Variants in MAP4K4 observed in about 807,000 individuals in gnomAD.
MAP4K4 encodes the protein mitogen-activated protein kinase kinase kinase kinase 4.
In MAP4K4, 38 loss-of-function variants were observed where a neutral mutation model predicts 189.6. The observed-to-expected ratio is 0.20, with a 90% CI of 0.15 to 0.26. The LOEUF (loss-of-function observed/expected upper bound fraction) is 0.26, where lower values mean the gene tolerates loss of function less well. MAP4K4 is among the 10% of genes least tolerant of loss of function. The probability of loss-of-function intolerance (pLI) is 1.00; values close to 1 mark genes in which losing one functional copy is unlikely to be tolerated. For missense variants in MAP4K4, 1,054 were observed against 1,726.9 expected (o/e 0.61, Z 6.91); for synonymous variants, 610 against 624.3 (o/e 0.98, Z 0.34).
intron 2 of MAP4K4, among the ~76,000 whole-genome samples, chr2:101,701,651 G>A (rs920481090): frequency 6.6e-6 from 1 of 152,120 alleles, no homozygotes; most frequent in Non-Finnish European, 1.5e-5. Context: ...GGTGAAAAAC[G>A]GGGTGTATTC....
At chr2:101,765,556 C>G (rs1235551501) in intron 2 of MAP4K4, among the ~76,000 whole-genome samples, 1 of 152,106 alleles carries the variant, frequency 6.6e-6, no homozygotes, top group Admixed American at 6.6e-5. Context: ...AACTCCTGAG[C>G]TCAAGCAGTC....
intron 2 of MAP4K4, among the ~76,000 whole-genome samples, chr2:101,753,153 G>C (rs546539894): frequency 1.4e-4 from 21 of 152,262 alleles, no homozygotes; most frequent in African/African-American, 5.1e-4. Context: ...TTTAGATGAT[G>C]AAACTGAAGC....
chr2:101,747,279 C>T (rs925311512), intron 2 of MAP4K4, among the ~76,000 whole-genome samples: 8 of 151,928 alleles, frequency 5.3e-5, no homozygotes, highest in African/African-American at 7.3e-5. Context: ...ATACCAGGCC[C>T]GGCTAATTTT....
intron 10 of MAP4K4, among the ~76,000 whole-genome samples, chr2:101,842,052 T>C (rs2096934808): frequency 6.6e-6 from 1 of 152,202 alleles, no homozygotes; most frequent in Non-Finnish European, 1.5e-5. Flanking sequence ...ATGGTTTAAT[T>C]AGTTTTCCCT....
chr2:101,863,642 G>T (rs576449588), intron 16 of MAP4K4, among the ~76,000 whole-genome samples, 179 bp from the exon 17 acceptor site: 1 of 152,170 alleles, frequency 6.6e-6, no homozygotes, highest in Non-Finnish European at 1.5e-5. Context: ...TACATACTGT[G>T]TTCCCAGACC....
chr2:101,708,404 C>G (rs950466215), intron 2 of MAP4K4, among the ~76,000 whole-genome samples: 1 of 152,060 alleles, frequency 6.6e-6, no homozygotes, highest in Non-Finnish European at 1.5e-5. Context: ...CAGTGCGTAA[C>G]CTCTGTGACC....
intron 2 of MAP4K4, among the ~76,000 whole-genome samples, chr2:101,703,893 C>T (rs1573792976): frequency 6.6e-6 from 1 of 152,058 alleles, no homozygotes; most frequent in Admixed American, 6.5e-5. Flanking sequence ...TGCCTCTAGT[C>T]CCAGCTACCC....
intron 7 of MAP4K4, among the ~76,000 whole-genome samples, chr2:101,833,416 C>T (rs1476879309): frequency 6.6e-6 from 1 of 151,650 alleles, no homozygotes; most frequent in African/African-American, 2.4e-5. Flanking sequence ...GTCAAGAGAT[C>T]GAGACCATCC....
At chr2:101,869,824 G>T (rs1333088265) in intron 22 of MAP4K4, 27 bp downstream of exon 22, 1 of 1,497,424 alleles carries the variant, frequency 6.7e-7, no homozygotes, top group Non-Finnish European at 8.9e-7. Flanking sequence ...TTTTAGAGCG[G>T]ATGAGAGTAT....
Position 101,783,437 on chromosome 2 carries a change from T to C in MAP4K4, c.124-7283T>C, listed in dbSNP as rs1558901201. On this transcript the variant is annotated intron_variant, in intron 2 of 32. Transcript: ENST00000324219. ...AAAGAGAACTTGAGTTTGCGACTTT[T>C]CTTATAATCTTGAAGAAGTAATTCC... Among the ~76,000 whole-genome samples the C allele has an allele frequency of 2.0e-5, 3 of 152,154 alleles. No individual in the cohort carries two copies. The South Asian group carries it at 6.2e-4, about 32-fold the overall frequency.
exon 33 of MAP4K4, chr2:101,893,038 G>A (rs1412050798): frequency 4.4e-6 from 2 of 456,356 alleles, no homozygotes; most frequent in Admixed American, 4.7e-5. Context: ...GTGAAAATGG[G>A]GGATTTTCCC....
At chr2:101,806,782 G>C (rs992038953) in intron 3 of MAP4K4, among the ~76,000 whole-genome samples, 5 of 152,158 alleles carry the variant, frequency 3.3e-5, no homozygotes, top group African/African-American at 7.2e-5. Context: ...AGACTCCCTG[G>C]TTATTTTTTC....
At chr2:101,698,339 C>T in intron 1 of MAP4K4, 134 bp from the exon 2 acceptor site, 1 of 890,532 alleles carries the variant, frequency 1.1e-6, no homozygotes, top group Non-Finnish European at 1.8e-6. Flanking sequence ...CCGCGCGACC[C>T]CCGGGCGCTG....
intron 12 of MAP4K4, among the ~76,000 whole-genome samples, chr2:101,847,271 G>A (rs1307189728): frequency 6.6e-6 from 1 of 152,082 alleles, no homozygotes; most frequent in Admixed American, 6.5e-5. Flanking sequence ...TATGTTACTG[G>A]GTTTATGTAT....
At chr2:101,751,558 G>T (rs988780272) in intron 2 of MAP4K4, among the ~76,000 whole-genome samples, 1 of 152,194 alleles carries the variant, frequency 6.6e-6, no homozygotes, top group African/African-American at 2.4e-5. Flanking sequence ...TGAATACTAG[G>T]CACTGCTGTT....
chr2:101,888,885 A>C, exon 32 of MAP4K4: 2 of 1,613,652 alleles, frequency 1.2e-6, no homozygotes, highest in Non-Finnish European at 1.7e-6. Flanking sequence ...TGGTGTGTTC[A>C]TGCACAAAAG....
chr2:101,801,112 C>G (rs1294330762), intron 3 of MAP4K4, among the ~76,000 whole-genome samples: 1 of 152,136 alleles, frequency 6.6e-6, no homozygotes, highest in Non-Finnish European at 1.5e-5. Context: ...TGCTTTCCTC[C>G]TCTTTCTTTA....
chr2:101,717,035 A>C (rs182832509), intron 2 of MAP4K4, among the ~76,000 whole-genome samples: 1 of 152,332 alleles, frequency 6.6e-6, no homozygotes, highest in East Asian at 1.9e-4. Flanking sequence ...ACAGTGTTAC[A>C]GTATGCCCTG....
At chr2:101,856,096 G>A (rs981941401) in exon 13 of MAP4K4, 47 of 1,536,148 alleles carry the variant, frequency 3.1e-5, no homozygotes, top group Admixed American at 1.2e-4. Context: ...AAGAGGAGAG[G>A]AGACGGGCAG....
Sources: gnomAD v4.1 joint callset for allele counts (sites outside exome capture counted in the v4.1 genomes callset) on GRCh38, gnomAD v4.1.1 for gene constraint, MANE v1.5 for transcripts, NCBI Gene and HGNC (gene_info 2026-07-23, HGNC 2026-07-21) for gene names.